Variants in PGR observed in about 807,000 individuals in gnomAD.
PGR encodes nuclear receptor subfamily 3 group C member 3.
A neutral mutation model predicts 76.1 loss-of-function variants in PGR; 25 were observed. That is an observed-to-expected ratio of 0.33 (90% CI 0.24 to 0.46). The LOEUF (loss-of-function observed/expected upper bound fraction) is 0.46, where lower values mean the gene tolerates loss of function less well. Ranked by LOEUF, PGR falls within the 20% of genes least tolerant of loss-of-function variation. PGR has a pLI of 1.00. For missense variants in PGR, 1,172 were observed against 1,225.3 expected (o/e 0.96, Z 0.65); for synonymous variants, 579 against 535.0 (o/e 1.08, Z -1.14).
At chr11:101,090,898 C>T (rs993008628) in intron 3 of PGR, among the ~76,000 whole-genome samples, 1 of 152,176 alleles carries the variant, frequency 6.6e-6, no homozygotes, top group African/African-American at 2.4e-5. Context: ...CTAAATATAG[C>T]ATTTCCCAAA....
chr11:101,062,323 T>A (rs1000859770), intron 4 of PGR, 124 bp downstream of exon 4: 6 of 751,572 alleles, frequency 8.0e-6, no homozygotes, highest in Non-Finnish European at 1.3e-5. Context: ...CTCAAACACA[T>A]ACTATCACAT....
rs189151969 is a variant in PGR, at chr11:101,097,557, C to A, written c.1790-5681G>T. On this transcript the variant is annotated intron_variant, in intron 2 of 7. Transcript: ENST00000325455. ...TTAGATAGGTGTATATACAATTATA[C>A]CTATTGTTTCGCTTATATTTGTAAA... Among the ~76,000 whole-genome samples, 659 of 152,216 alleles carry A rather than the reference C, an allele frequency of 4.3e-3. 8 individuals carry two copies. Among genetic ancestry groups the A allele is most frequent in the African/African-American group, 0.015 (637 of 41,514 alleles).
intron 3 of PGR, among the ~76,000 whole-genome samples, chr11:101,089,107 G>T (rs907692009): frequency 2.0e-5 from 3 of 152,126 alleles, no homozygotes; most frequent in Non-Finnish European, 4.4e-5. Context: ...GGGATCATTT[G>T]TACCTCAAAC....
In PGR at chr11:101,030,529, G is replaced by C. The variant is rs1001357983; in HGVS notation, c.*8587C>G. The C allele has an allele frequency of 4.4e-6, 1 of 229,764 alleles. No homozygotes were observed. The allele number at this position is 229,764 out of a possible 1,614,324, so 14.2% of individuals were successfully genotyped here. On this transcript the variant is annotated 3_prime_UTR_variant, in exon 8 of 8. Coordinates refer to ENST00000325455, the MANE Select transcript of PGR (RefSeq NM_000926.4). The stretch of plus-strand genomic sequence containing the variant: ...TACCCAAACCACTTTGAAAGTATGT[G>C]CTCAACTGAAATAATTAATCTTTGT...
At chr11:101,051,616 A>G (rs567154248) in intron 4 of PGR, 48 bp from the exon 5 acceptor site, 2 of 1,386,538 alleles carry the variant, frequency 1.4e-6, no homozygotes, top group South Asian at 2.3e-5. Context: ...TGACTGAATT[A>G]TCTCAAAAAT....
At chr11:101,052,594 C>G (rs191931767) in intron 4 of PGR, among the ~76,000 whole-genome samples, 3 of 152,122 alleles carry the variant, frequency 2.0e-5, no homozygotes, top group East Asian at 3.9e-4. Context: ...GTGACATAGC[C>G]TTGCATTGTA....
intron 6 of PGR, among the ~76,000 whole-genome samples, chr11:101,042,603 C>A (rs901032794): frequency 1.3e-5 from 2 of 151,734 alleles, no homozygotes; most frequent in Admixed American, 6.6e-5. Flanking sequence ...TTAAAAATTG[C>A]TTCATTAAGT....
intron 2 of PGR, among the ~76,000 whole-genome samples, chr11:101,100,165 A>G (rs1861954044): frequency 6.6e-6 from 1 of 152,104 alleles, no homozygotes; most frequent in African/African-American, 2.4e-5. Context: ...AGTGGGAGGT[A>G]ATTGAATCAT....
chr11:101,043,358 A>G (rs1167317818), intron 6 of PGR, among the ~76,000 whole-genome samples: 1 of 152,176 alleles, frequency 6.6e-6, no homozygotes, highest in Admixed American at 6.5e-5. Context: ...TCATGTCTTC[A>G]GGCTTTACTT....
At chr11:101,126,624 G>A (rs1289898682) in intron 1 of PGR, among the ~76,000 whole-genome samples, 4 of 152,296 alleles carry the variant, frequency 2.6e-5, no homozygotes, top group East Asian at 3.9e-4. Flanking sequence ...ACTTAAGCAA[G>A]TATATGTTTG....
At position 101,109,959 on chromosome 11, in the gene PGR, G is replaced by A. The variant is rs1489893868; in HGVS notation, c.1789+16048C>T. On this transcript the variant is annotated intron_variant, in intron 2 of 7. Transcript: ENST00000325455. ...AGTTCCTAAGGCCCTTAAGAATTATGCTAAATCTACTCTGCTTGTGTTCTA... is the reference window on the plus strand; with the variant it reads ...AGTTCCTAAGGCCCTTAAGAATTATACTAAATCTACTCTGCTTGTGTTCTA... Among the ~76,000 whole-genome samples the A allele has an allele frequency of 3.3e-5, 5 of 152,114 alleles. No individual in the cohort carries two copies. The East Asian group carries it at 9.6e-4, about 29-fold the overall frequency.
chr11:101,089,723 G>C (rs1002378457), intron 3 of PGR, among the ~76,000 whole-genome samples: 3 of 151,882 alleles, frequency 2.0e-5, no homozygotes, highest in Non-Finnish European at 2.9e-5. Flanking sequence ...AAGGGAGGGA[G>C]GGAGGGACGG....
intron 6 of PGR, among the ~76,000 whole-genome samples, 190 bp downstream of exon 6, chr11:101,049,739 T>G (rs966420351): frequency 6.6e-6 from 1 of 152,178 alleles, no homozygotes; most frequent in Non-Finnish European, 1.5e-5. Context: ...TTTAGTATTA[T>G]ATGGTAGGTA....
intron 6 of PGR, among the ~76,000 whole-genome samples, chr11:101,049,476 T>A (rs1860015801): frequency 6.6e-6 from 1 of 152,200 alleles, no homozygotes; most frequent in Admixed American, 6.5e-5. Flanking sequence ...CACAGTAGGT[T>A]TGTTTACATT....
At chr11:101,111,020 A>G (rs1862326228) in intron 2 of PGR, among the ~76,000 whole-genome samples, 1 of 152,204 alleles carries the variant, frequency 6.6e-6, no homozygotes, top group Non-Finnish European at 1.5e-5. Flanking sequence ...CACTTAACAG[A>G]CTGCAGTATA....
rs190831999 is a variant in PGR at position 101,125,635 on chromosome 11, T to C, written c.1789+372A>G. Among the ~76,000 whole-genome samples the C allele has an allele frequency of 3.3e-4, 50 of 152,342 alleles. No homozygotes were observed. In the East Asian group the frequency reaches 8.5e-3, roughly 26 times the overall value. ...TATGTGTCAACTACCATTTTTCTTT[T>C]AATCAAAATTTTAAAGTACTGCATA... On this transcript the variant is annotated intron_variant, in intron 2 of 7. Coordinates refer to ENST00000325455, the MANE Select transcript of PGR (RefSeq NM_000926.4).
At chr11:101,122,857 C>A (rs143930988) in intron 2 of PGR, among the ~76,000 whole-genome samples, 1 of 152,164 alleles carries the variant, frequency 6.6e-6, no homozygotes. Flanking sequence ...CTTCTTATTG[C>A]TGCCCTAAAT....
At chr11:101,066,021 C>A (rs1402471228) in intron 3 of PGR, among the ~76,000 whole-genome samples, 2 of 152,120 alleles carry the variant, frequency 1.3e-5, no homozygotes, top group Non-Finnish European at 2.9e-5. Context: ...ATTTCAATAC[C>A]AAATCTTAGT....
At chr11:101,087,509 G>C (rs1282195845) in intron 3 of PGR, among the ~76,000 whole-genome samples, 1 of 152,114 alleles carries the variant, frequency 6.6e-6, no homozygotes, top group Non-Finnish European at 1.5e-5. Flanking sequence ...TATGATTCTG[G>C]ATATCAGCCT....
Sources: gnomAD v4.1 joint callset for allele counts (sites outside exome capture counted in the v4.1 genomes callset) on GRCh38, gnomAD v4.1.1 for gene constraint, MANE v1.5 for transcripts, NCBI Gene and HGNC (gene_info 2026-07-23, HGNC 2026-07-21) for gene names.